The following PHLPP2 variants were observed in gnomAD, a reference collection of about 807,000 sequenced individuals.
PHLPP2 encodes PH domain and leucine rich repeat protein phosphatase 2.
In PHLPP2, 66 loss-of-function variants were observed where a neutral mutation model predicts 124.9. The observed-to-expected ratio is 0.53, with a 90% CI of 0.43 to 0.65. The LOEUF (loss-of-function observed/expected upper bound fraction) is 0.65. PHLPP2 is among the 30% of genes least tolerant of loss of function. The pLI, the probability that PHLPP2 is intolerant of heterozygous loss-of-function variation, is 0.00. For missense variants in PHLPP2, 1,685 were observed against 1,600.4 expected, an observed-to-expected ratio of 1.05 and a Z score of -0.90; for synonymous variants, 681 against 624.7, an observed-to-expected ratio of 1.09 and a Z score of -1.34.
intron 4 of PHLPP2, among the ~76,000 whole-genome samples, chr16:71,690,251 G>T (rs932988241): frequency 2.0e-5 from 3 of 152,134 alleles, no homozygotes; most frequent in Non-Finnish European, 4.4e-5. Context: ...AGCTTCTAAT[G>T]GTAGCATCCA....
rs765346195 is a variant in PHLPP2 at position 71,649,702 on chromosome 16, C to T, written c.3160G>A (p.Gly1054Arg). ...MNGLTLPGPV[G>R]FASTTTIKDA... ...TTGATAGTGGTGGTTGAAGCAAATC[C>T]CACAGGACCTGGGAGGGTGAGCCCA... Residue 1054 changes from glycine to arginine, a missense_variant, in exon 19 of 19, where the codon GGA (glycine) becomes AGA (arginine). Physicochemically the swap from Gly to Arg is moderately radical, Grantham distance 125 (BLOSUM62 -2). Transcript: ENST00000568954. 2 of 1,614,154 alleles carry T rather than the reference C, an allele frequency of 1.2e-6. No individual in the cohort carries two copies. Among genetic ancestry groups the T allele is most frequent in the South Asian group, 2.2e-5 (2 of 91,078 alleles).
chr16:71,719,333 C>G (rs1335386504), intron 1 of PHLPP2, among the ~76,000 whole-genome samples: 1 of 151,996 alleles, frequency 6.6e-6, no homozygotes, highest in African/African-American at 2.4e-5. Flanking sequence ...GTCAGGAGCT[C>G]GAGACCAGCC....
chr16:71,687,086 T>A (rs2045061544), intron 4 of PHLPP2, among the ~76,000 whole-genome samples: 1 of 152,242 alleles, frequency 6.6e-6, no homozygotes, highest in Non-Finnish European at 1.5e-5. Context: ...GCCAAACTTG[T>A]TATTCATCAG....
At chr16:71,674,323 C>A (rs2044923785) in intron 9 of PHLPP2, among the ~76,000 whole-genome samples, 1 of 151,956 alleles carries the variant, frequency 6.6e-6, no homozygotes, top group Admixed American at 6.6e-5. Context: ...AGGTGATCTG[C>A]CCACCTAGGC....
chr16:71,711,967 A>G (rs2045327152), intron 2 of PHLPP2, among the ~76,000 whole-genome samples: 1 of 152,260 alleles, frequency 6.6e-6, no homozygotes, highest in South Asian at 2.1e-4. Flanking sequence ...CTTTACTCAG[A>G]AAGAAGTCCA....
At chr16:71,658,885 A>T in intron 13 of PHLPP2, 70 bp from the exon 14 acceptor site, 1 of 1,422,940 alleles carries the variant, frequency 7.0e-7, no homozygotes, top group Non-Finnish European at 9.8e-7. Flanking sequence ...GCTATTCTAC[A>T]GCAGCCACAG....
chr16:71,710,559 G>T (rs2045317163), intron 2 of PHLPP2, among the ~76,000 whole-genome samples: 1 of 152,152 alleles, frequency 6.6e-6, no homozygotes, highest in Admixed American at 6.5e-5. Context: ...AACTGAAATA[G>T]GTAATATTTA....
chr16:71,723,601 C>G (rs2045412187), intron 1 of PHLPP2: 1 of 293,044 alleles, frequency 3.4e-6, no homozygotes, highest in Non-Finnish European at 6.1e-6. Context: ...TCGGCGTCCC[C>G]AGCCGGGTGT....
At chr16:71,683,381 C>G (rs2045022032) in intron 5 of PHLPP2, among the ~76,000 whole-genome samples, 1 of 152,176 alleles carries the variant, frequency 6.6e-6, no homozygotes, top group African/African-American at 2.4e-5. Context: ...TTTGTGGCAG[C>G]ATTAGAGGTC....
At chr16:71,660,163 T>C (rs2044776046) in intron 13 of PHLPP2, among the ~76,000 whole-genome samples, 1 of 151,900 alleles carries the variant, frequency 6.6e-6, no homozygotes, top group African/African-American at 2.4e-5. Flanking sequence ...TTTTAGTAGA[T>C]AGTATTCTCG....
chr16:71,686,624 T>A (rs1275708579), intron 4 of PHLPP2, among the ~76,000 whole-genome samples: 1 of 152,144 alleles, frequency 6.6e-6, no homozygotes, highest in African/African-American at 2.4e-5. Context: ...CAATCACTGA[T>A]CTGTTTTCTA....
rs770767854 is a variant in PHLPP2 at position 71,649,214 on chromosome 16, G to A, written c.3648C>T (p.Leu1216=). The A allele has an allele frequency of 3.4e-4, 556 of 1,613,958 alleles. No individual in the cohort carries two copies. Among genetic ancestry groups the A allele is most frequent in the Non-Finnish European group, 4.6e-4 (547 of 1,179,982 alleles). ...CCATCCTGTCCTTGCTCATTGGCAGGAGCATGCCACTATTCACACTGTTCT... is the reference window on the plus strand; with the variant it reads ...CCATCCTGTCCTTGCTCATTGGCAGAAGCATGCCACTATTCACACTGTTCT... ...RRQNSVNSGM[L]LPMSKDRMEL... is the part of the protein sequence containing the mutation. Residue 1216 remains leucine, a synonymous_variant, in exon 19 of 19, where the codon CTC becomes CTT. Coordinates refer to ENST00000568954, the MANE Select transcript of PHLPP2 (RefSeq NM_015020.3).
In PHLPP2 at chr16:71,714,743, G is replaced by A. The variant is rs267604624; in HGVS notation, c.53C>T (p.Ser18Phe). ...NCLNRRSRFGSRERDWLREDV... is the reference protein window; with the variant it reads ...NCLNRRSRFGFRERDWLREDV... ...TTCTCTTAGCCAGTCTCTTTCTCGAGAACCAAACCTACTTCTCCTATTCAA... is the reference window on the plus strand; with the variant it reads ...TTCTCTTAGCCAGTCTCTTTCTCGAAAACCAAACCTACTTCTCCTATTCAA... The change falls in exon 2 of 19, where the codon TCT (serine) becomes TTT (phenylalanine). Residue 18 changes from serine (S) to phenylalanine (F), a missense_variant. Transcript: ENST00000568954. 1 of 1,614,116 alleles carries A rather than the reference G, an allele frequency of 6.2e-7. No homozygotes were observed. Among genetic ancestry groups the A allele is most frequent in the Non-Finnish European group, 8.5e-7 (1 of 1,180,000 alleles).
In PHLPP2 at chr16:71,669,794, C is replaced by G. The variant is rs530148063; in HGVS notation, c.1533-424G>C. On this transcript the variant is annotated intron_variant, in intron 10 of 18. Transcript: ENST00000568954. ...ATTAACAGAATGAATACAAGTGAGACAGTAGAAGCAAAAGATAACTAGTGG... is the reference window on the plus strand; with the variant it reads ...ATTAACAGAATGAATACAAGTGAGAGAGTAGAAGCAAAAGATAACTAGTGG... Among the ~76,000 whole-genome samples the G allele has an allele frequency of 1.6e-4, 25 of 152,230 alleles. 1 individual carries two copies. The East Asian group carries it at 3.5e-3, about 21-fold the overall frequency.
intron 9 of PHLPP2, among the ~76,000 whole-genome samples, chr16:71,673,728 T>C (rs2044915851): frequency 6.6e-6 from 1 of 152,180 alleles, no homozygotes; most frequent in Non-Finnish European, 1.5e-5. Context: ...TGCCTGTTGA[T>C]GAGGTCTTTT....
At chr16:71,650,855 G>A (rs2044691069) in intron 18 of PHLPP2, among the ~76,000 whole-genome samples, 1 of 152,192 alleles carries the variant, frequency 6.6e-6, no homozygotes, top group African/African-American at 2.4e-5. Flanking sequence ...AAATGAAAAT[G>A]GGAGTTTAAC....
At chr16:71,714,435 C>T (rs2045344311) in intron 2 of PHLPP2, 77 bp downstream of exon 2, 1 of 1,439,698 alleles carries the variant, frequency 6.9e-7, no homozygotes, top group Non-Finnish European at 9.1e-7. Context: ...AATTAAAATC[C>T]TAAAGTCCAG....
intron 3 of PHLPP2, among the ~76,000 whole-genome samples, chr16:71,695,797 A>G (rs1422708920): frequency 1.3e-5 from 2 of 152,174 alleles, no homozygotes; most frequent in African/African-American, 4.8e-5. Flanking sequence ...TCTTGGGTGA[A>G]AAAAGCATGA....
At chr16:71,653,080 T>C (rs1229077175) in intron 17 of PHLPP2, 59 bp from the exon 18 acceptor site, 3 of 1,004,208 alleles carry the variant, frequency 3.0e-6, no homozygotes, top group Non-Finnish European at 3.0e-6. Flanking sequence ...AAAGTGGTGG[T>C]CCTGCACGTA....
Sources: gnomAD v4.1 joint callset for allele counts (sites outside exome capture counted in the v4.1 genomes callset) on GRCh38, gnomAD v4.1.1 for gene constraint, MANE v1.5 for transcripts, NCBI Gene and HGNC (gene_info 2026-07-23, HGNC 2026-07-21) for gene names.